Variants in THSD7A observed in about 807,000 individuals in gnomAD.
THSD7A encodes the protein thrombospondin type 1 domain containing 7A.
In THSD7A, 96 loss-of-function variants were observed where a neutral mutation model predicts 231.3. That is an observed-to-expected ratio of 0.41 (90% CI 0.35 to 0.49). THSD7A has a LOEUF of 0.49. Ranked by LOEUF, THSD7A falls within the 20% of genes least tolerant of loss-of-function variation. The probability of loss-of-function intolerance (pLI) is 0.05; values close to 1 mark genes in which losing one functional copy is unlikely to be tolerated. For missense variants in THSD7A, 2,290 were observed against 2,070.2 expected (o/e 1.11, Z -2.06); for synonymous variants, 940 against 743.3 (o/e 1.26, Z -4.30).
rs529594790 is a variant in THSD7A, at chr7:11,429,055, C to G, written c.3135G>C (p.Ser1045=). The G allele has an allele frequency of 6.2e-7, 1 of 1,613,116 alleles. No homozygotes were observed. Among genetic ancestry groups the G allele is most frequent in the Non-Finnish European group, 8.5e-7 (1 of 1,179,532 alleles). ...DCKLSEWSNW[S]RCSKSCGSGV... ...CACTCCCACAGGACTTGCTGCAGCGCGACCAGTTGGACCACTCACTGAGCT... is the reference window on the plus strand; with the variant it reads ...CACTCCCACAGGACTTGCTGCAGCGGGACCAGTTGGACCACTCACTGAGCT... Residue 1045 remains serine (S), a synonymous_variant, in exon 14 of 28, where the codon TCG becomes TCC. Transcript: ENST00000423059.
At chr7:11,579,965 A>C (rs554929643) in intron 4 of THSD7A, among the ~76,000 whole-genome samples, 53 of 152,180 alleles carry the variant, frequency 3.5e-4, no homozygotes, top group Non-Finnish European at 6.3e-4. Flanking sequence ...TGAGAAGCCC[A>C]TGAAGCTTAA....
chr7:11,676,953 A>G (rs1314572785), intron 1 of THSD7A, among the ~76,000 whole-genome samples: 1 of 152,084 alleles, frequency 6.6e-6, no homozygotes, highest in African/African-American at 2.4e-5. Context: ...AAACAACCCC[A>G]AGACATAATC....
At chr7:11,661,802 T>C (rs1204667230) in intron 1 of THSD7A, among the ~76,000 whole-genome samples, 1 of 151,278 alleles carries the variant, frequency 6.6e-6, no homozygotes, top group Non-Finnish European at 1.5e-5. Context: ...AAAGCAATGA[T>C]AGTATGACTC....
At chr7:11,552,250 C>T (rs979973649) in intron 4 of THSD7A, among the ~76,000 whole-genome samples, 21 of 151,910 alleles carry the variant, frequency 1.4e-4, no homozygotes, top group African/African-American at 4.4e-4. Context: ...AATCTATACA[C>T]TAACCCCCAT....
At chr7:11,587,092 T>C (rs1779940422) in intron 4 of THSD7A, among the ~76,000 whole-genome samples, 1 of 152,206 alleles carries the variant, frequency 6.6e-6, no homozygotes, top group Admixed American at 6.5e-5. Context: ...AAGAATTTCT[T>C]GAGTTACTGT....
chr7:11,379,575 A>G, intron 25 of THSD7A, 55 bp downstream of exon 25: 1 of 1,448,650 alleles, frequency 6.9e-7, no homozygotes, highest in Non-Finnish European at 9.5e-7. Context: ...CATAAGAGAC[A>G]GTGGGGTGAC....
intron 6 of THSD7A, among the ~76,000 whole-genome samples, chr7:11,487,424 G>C (rs1205662323): frequency 6.6e-6 from 1 of 152,014 alleles, no homozygotes; most frequent in Non-Finnish European, 1.5e-5. Flanking sequence ...GGTTTATCAA[G>C]GTTTTTATAG....
intron 1 of THSD7A, among the ~76,000 whole-genome samples, chr7:11,773,494 C>A (rs1026414338): frequency 2.0e-5 from 3 of 151,902 alleles, no homozygotes; most frequent in Non-Finnish European, 2.9e-5. Context: ...CGAGCCATTG[C>A]AAACTCCAGC....
intron 1 of THSD7A, among the ~76,000 whole-genome samples, chr7:11,689,668 C>T (rs1461213275): frequency 6.6e-6 from 1 of 151,588 alleles, no homozygotes; most frequent in African/African-American, 2.4e-5. Flanking sequence ...GTGCAATTCT[C>T]CTTCAGGCAA....
intron 2 of THSD7A, among the ~76,000 whole-genome samples, chr7:11,623,909 G>T (rs1219317179): frequency 6.6e-6 from 1 of 152,076 alleles, no homozygotes; most frequent in African/African-American, 2.4e-5. Flanking sequence ...CAAATAAAAT[G>T]ACCAATTATT....
intron 1 of THSD7A, among the ~76,000 whole-genome samples, chr7:11,735,185 ACACTTTGT>A (rs1345715992): frequency 6.6e-6 from 1 of 151,796 alleles, no homozygotes; most frequent in Non-Finnish European, 1.5e-5. Context: ...TATAGTCACA[ACACTTTGT>A]CACTTATTTG....
intron 16 of THSD7A, among the ~76,000 whole-genome samples, chr7:11,418,891 A>G (rs1276520747): frequency 1.3e-5 from 2 of 152,216 alleles, no homozygotes; most frequent in African/African-American, 4.8e-5. Flanking sequence ...AGATATTGAT[A>G]TGATTTCCTT....
chr7:11,697,980 G>A lies in THSD7A; in HGVS notation c.191-61019C>T, dbSNP rs149292496. 2.7e-3 allele frequency among the ~76,000 whole-genome samples: 404 copies of A among 151,440 alleles called. 4 individuals are homozygous for A. The highest frequency in any genetic ancestry group is 0.012 in the East Asian group (61 of 5,082). On this transcript the variant is annotated intron_variant, in intron 1 of 27. Coordinates refer to ENST00000423059, the MANE Select transcript of THSD7A (RefSeq NM_015204.3). Reference sequence around the variant, plus strand: ...TTCTTCAACTATATGTTAGTCATACGAATGCCCCAGTTGATCTGGAAGCTG... The same window carrying A: ...TTCTTCAACTATATGTTAGTCATACAAATGCCCCAGTTGATCTGGAAGCTG...
rs180982399 is a variant in THSD7A at position 11,605,839 on chromosome 7, C to T, written c.1023-12337G>A. 9.9e-5 allele frequency among the ~76,000 whole-genome samples: 15 copies of T among 152,238 alleles called. No individual in the cohort carries two copies. The East Asian group carries it at 2.7e-3, about 27-fold the overall frequency. The stretch of plus-strand genomic sequence containing the variant: ...TTCATAAAGCTATTTTCTGTGGCTA[C>T]AGGAAGCTATGTTGCTGCTGGCACA... On this transcript the variant is annotated intron_variant, in intron 2 of 27. Coordinates refer to ENST00000423059, the MANE Select transcript of THSD7A (RefSeq NM_015204.3).
At chr7:11,533,207 G>GA (rs1402533680) in intron 6 of THSD7A, among the ~76,000 whole-genome samples, 1 of 152,062 alleles carries the variant, frequency 6.6e-6, no homozygotes, top group Non-Finnish European at 1.5e-5. Flanking sequence ...AGTTCAGAGT[G>GA]AAAAAAATGT....
intron 2 of THSD7A, among the ~76,000 whole-genome samples, chr7:11,603,119 A>G (rs1303821234): frequency 6.7e-6 from 1 of 149,272 alleles, no homozygotes; most frequent in Non-Finnish European, 1.5e-5. Flanking sequence ...AATTTTCGCA[A>G]CCTACTCATC....
At chr7:11,412,858 T>C (rs1783832683) in intron 17 of THSD7A, 58 bp from the exon 18 acceptor site, 4 of 1,560,306 alleles carry the variant, frequency 2.6e-6, no homozygotes, top group Admixed American at 1.9e-5. Flanking sequence ...ACAACTGGTA[T>C]ATTAGAGACA....
chr7:11,646,916 G>A (rs1199094937), intron 1 of THSD7A, among the ~76,000 whole-genome samples: 10 of 152,040 alleles, frequency 6.6e-5, no homozygotes, highest in Non-Finnish European at 1.0e-4. Flanking sequence ...GAGAAATCAA[G>A]GGAAAGCCAG....
chr7:11,797,214 T>A (rs1784149404), intron 1 of THSD7A, among the ~76,000 whole-genome samples: 1 of 152,134 alleles, frequency 6.6e-6, no homozygotes, highest in Non-Finnish European at 1.5e-5. Context: ...ATACAAAAGT[T>A]TGCTTTCAAA....
Sources: gnomAD v4.1 joint callset for allele counts (sites outside exome capture counted in the v4.1 genomes callset) on GRCh38, gnomAD v4.1.1 for gene constraint, MANE v1.5 for transcripts, NCBI Gene and HGNC (gene_info 2026-07-23, HGNC 2026-07-21) for gene names.